Variants in ADHFE1 observed in about 807,000 individuals in gnomAD.
ADHFE1 encodes hydroxyacid-oxoacid transhydrogenase, mitochondrial.
Under a neutral mutation model 54.8 loss-of-function variants are expected in ADHFE1, and 37 were observed. The observed-to-expected ratio is 0.68, with a 90% CI of 0.52 to 0.89. The LOEUF is 0.89. ADHFE1 is among the 40% of genes least tolerant of loss of function. ADHFE1 has a pLI of 0.00. For missense variants in ADHFE1, 601 were observed against 591.2 expected (o/e 1.02, Z -0.17); for synonymous variants, 203 against 229.3 (o/e 0.89, Z 1.04).
chr8:66,466,257 T>G (rs1807178868), intron 13 of ADHFE1, among the ~76,000 whole-genome samples: 1 of 121,586 alleles, frequency 8.2e-6, no homozygotes, highest in Non-Finnish European at 1.7e-5. Context: ...TTTTTTTTTT[T>G]GTATTTTTAG....
At chr8:66,440,303 C>A in intron 2 of ADHFE1, 104 bp downstream of exon 2, 3 of 1,068,758 alleles carry the variant, frequency 2.8e-6, no homozygotes, top group Non-Finnish European at 4.2e-6. Flanking sequence ...CATGTGAGAG[C>A]AAGGTCCATG....
intron 12 of ADHFE1, 32 bp downstream of exon 12, chr8:66,457,198 GC>G: frequency 6.3e-7 from 1 of 1,594,200 alleles, no homozygotes; most frequent in Non-Finnish European, 8.6e-7. Context: ...TCTGTGACCG[GC>G]CAGGCACGGT....
intron 8 of ADHFE1, among the ~76,000 whole-genome samples, chr8:66,450,573 A>C (rs1455683135): frequency 1.3e-5 from 2 of 152,254 alleles, no homozygotes; most frequent in Non-Finnish European, 2.9e-5. Context: ...AGAAGGTGCC[A>C]TCGGGAAGAC....
chr8:66,449,059 T>A, intron 8 of ADHFE1, 89 bp downstream of exon 8: 1 of 1,133,614 alleles, frequency 8.8e-7, no homozygotes, highest in African/African-American at 1.5e-5. Context: ...AAGTATTCAT[T>A]GATTAGCACC....
chr8:66,442,042 G>A (rs1176357363), intron 2 of ADHFE1, among the ~76,000 whole-genome samples: 2 of 151,402 alleles, frequency 1.3e-5, no homozygotes, highest in South Asian at 2.1e-4. Context: ...CTTGAGAAAT[G>A]TAAATATCTT....
At chr8:66,449,075 A>G in intron 8 of ADHFE1, 105 bp downstream of exon 8, 2 of 997,186 alleles carry the variant, frequency 2.0e-6, no homozygotes, top group Non-Finnish European at 3.1e-6. Flanking sequence ...GCACCCCACA[A>G]CATCCCTAGC....
At chr8:66,460,677 G>A (rs548568591) in intron 13 of ADHFE1, among the ~76,000 whole-genome samples, 11 of 152,350 alleles carry the variant, frequency 7.2e-5, no homozygotes, top group African/African-American at 2.6e-4. Context: ...TAGCTGAGGT[G>A]AGGCTTTTAT....
intron 10 of ADHFE1, among the ~76,000 whole-genome samples, chr8:66,455,092 G>A (rs1230906450): frequency 6.6e-6 from 1 of 152,130 alleles, no homozygotes; most frequent in African/African-American, 2.4e-5. Context: ...GGTCTTTTGT[G>A]TCTAGCTTTT....
intron 3 of ADHFE1, 132 bp from the exon 4 acceptor site, chr8:66,444,235 G>T (rs1805912136): frequency 1.5e-5 from 11 of 754,618 alleles, no homozygotes; most frequent in Non-Finnish European, 2.2e-5. Context: ...CCAGGTGGGA[G>T]ATGACCTGGA....
chr8:66,460,363 G>A lies in ADHFE1; in HGVS notation c.1218G>A (p.Thr406=), dbSNP rs149047204. 2.7e-5 allele frequency: 43 copies of A among 1,614,048 alleles called. No individual in the cohort carries two copies. The highest frequency in any genetic ancestry group is 1.3e-4 in the African/African-American group (10 of 74,942). ...ATGCAGGGCTGGTGTTGGCAGACAC[G>A]CTCCGGAAATTCTTATTCGATCTGG... The part of the protein sequence containing the change: ...IQDAGLVLAD[T]LRKFLFDLDV... Residue 406 remains threonine, a synonymous_variant, in exon 13 of 14, where the codon ACG becomes ACA. Coordinates refer to ENST00000396623, the MANE Select transcript of ADHFE1 (RefSeq NM_144650.3).
intron 8 of ADHFE1, among the ~76,000 whole-genome samples, chr8:66,450,702 A>C (rs1806255928): frequency 1.3e-5 from 2 of 152,220 alleles, no homozygotes; most frequent in African/African-American, 4.8e-5. Flanking sequence ...ACAAATCTGC[A>C]CTTGGATCTG....
At chr8:66,448,111 A>C (rs1248414905) in intron 7 of ADHFE1, among the ~76,000 whole-genome samples, 1 of 152,194 alleles carries the variant, frequency 6.6e-6, no homozygotes, top group African/African-American at 2.4e-5. Context: ...CTGTCTTCTT[A>C]GTCATTTTTA....
intron 2 of ADHFE1, among the ~76,000 whole-genome samples, chr8:66,440,562 G>A (rs1398530176): frequency 6.6e-6 from 1 of 152,202 alleles, no homozygotes; most frequent in African/African-American, 2.4e-5. Context: ...CTAAAAACTG[G>A]AGGCTAAAGA....
intron 9 of ADHFE1, chr8:66,453,677 C>T (rs755834885): frequency 7.6e-5 from 104 of 1,366,462 alleles, no homozygotes; most frequent in Non-Finnish European, 8.9e-5. Context: ...CAGGTAGCCC[C>T]GGGCATCTGA....
chr8:66,461,291 A>G (rs779357564), intron 13 of ADHFE1, among the ~76,000 whole-genome samples: 14 of 152,192 alleles, frequency 9.2e-5, no homozygotes, highest in Admixed American at 5.9e-4. Context: ...GGTCACCTCA[A>G]TGCTATGAGG....
chr8:66,465,502 T>A (rs1038789950), intron 13 of ADHFE1, among the ~76,000 whole-genome samples: 4 of 152,238 alleles, frequency 2.6e-5, no homozygotes, highest in African/African-American at 9.6e-5. Flanking sequence ...GCTTATTGGC[T>A]ATGTATATAT....
chr8:66,448,598 T>C (rs1183106639), intron 7 of ADHFE1, among the ~76,000 whole-genome samples: 1 of 152,212 alleles, frequency 6.6e-6, no homozygotes, highest in Non-Finnish European at 1.5e-5. Context: ...ACTCTCACCA[T>C]GGCCAGTGAC....
At chr8:66,436,075 C>G (rs1268283879) in intron 1 of ADHFE1, among the ~76,000 whole-genome samples, 1 of 151,886 alleles carries the variant, frequency 6.6e-6, no homozygotes, top group East Asian at 1.9e-4. Context: ...ACCACCACAC[C>G]TGGCTAATTT....
chr8:66,466,091 C>T (rs1287022822), intron 13 of ADHFE1, among the ~76,000 whole-genome samples: 3 of 146,764 alleles, frequency 2.0e-5, no homozygotes. Flanking sequence ...CTTTTAGAGA[C>T]AGAGTCTTGC....
Sources: allele counts gnomAD v4.1 joint callset (sites outside exome capture counted in the v4.1 genomes callset), GRCh38; gene constraint gnomAD v4.1.1; transcripts MANE v1.5; gene names NCBI Gene and HGNC (gene_info 2026-07-23, HGNC 2026-07-21).